The following FLVCR2 variants were observed in gnomAD, a reference collection of about 807,000 sequenced individuals.
FLVCR2 encodes choline/ethanolamine transporter FLVCR2.
FLVCR2 carries 38 observed loss-of-function variants against 48.9 expected under a neutral mutation model. The observed-to-expected ratio is 0.78, with a 90% CI of 0.60 to 1.02. FLVCR2 has a LOEUF of 1.02. Ranked by LOEUF, FLVCR2 falls within the 50% of genes least tolerant of loss-of-function variation. The probability of loss-of-function intolerance (pLI) is 0.00; values close to 1 mark genes in which losing one functional copy is unlikely to be tolerated. For missense variants in FLVCR2, 664 were observed against 663.3 expected (o/e 1.00, Z -0.01); for synonymous variants, 255 against 257.0 (o/e 0.99, Z 0.07).
intron 1 of FLVCR2, among the ~76,000 whole-genome samples, chr14:75,618,774 A>T (rs1249003394): frequency 6.6e-6 from 1 of 152,154 alleles, no homozygotes; most frequent in Non-Finnish European, 1.5e-5. Flanking sequence ...CCAACATTTC[A>T]TGGAAGGCAG....
rs1890427837 is a variant in FLVCR2 at position 75,646,650 on chromosome 14, TG to T, written c.*180del. ...CACGTAAGAGCTTGGATGATTTAGT[TG>T]GAGAAAATTGCACCTATCACCAAAT... On this transcript the variant is annotated 3_prime_UTR_variant, in exon 10 of 10. Coordinates refer to ENST00000238667, the MANE Select transcript of FLVCR2 (RefSeq NM_017791.3). 1 of 643,824 alleles carries T rather than the reference TG, an allele frequency of 1.6e-6. No homozygotes were observed. Among genetic ancestry groups the T allele is most frequent in the Non-Finnish European group, 2.9e-6 (1 of 347,712 alleles). 39.9% of individuals were successfully genotyped at this position (643,824 alleles called of 1,614,324 possible).
chr14:75,614,066 A>G (rs982151114), intron 1 of FLVCR2, among the ~76,000 whole-genome samples: 2 of 152,232 alleles, frequency 1.3e-5, no homozygotes, highest in African/African-American at 4.8e-5. Flanking sequence ...CATGTAAAAC[A>G]TCCTTTGGCA....
At chr14:75,608,121 C>A (rs1889342094) in intron 1 of FLVCR2, among the ~76,000 whole-genome samples, 1 of 152,182 alleles carries the variant, frequency 6.6e-6, no homozygotes. Context: ...ATAAAAAGGG[C>A]TTCTCTAGAC....
At chr14:75,625,422 T>C (rs1441724026) in intron 3 of FLVCR2, among the ~76,000 whole-genome samples, 2 of 151,964 alleles carry the variant, frequency 1.3e-5, no homozygotes, top group African/African-American at 2.4e-5. Context: ...TTCTGTATCT[T>C]ATTTCAAACC....
intron 1 of FLVCR2, among the ~76,000 whole-genome samples, chr14:75,588,633 C>T (rs1463278799): frequency 6.6e-6 from 1 of 152,180 alleles, no homozygotes; most frequent in East Asian, 1.9e-4. Flanking sequence ...CACCTGTCAC[C>T]ATGCCCAGAA....
Position 75,622,042 on chromosome 14 carries a change from T to C in FLVCR2, c.670-37T>C, listed in dbSNP as rs754810453. 1.7e-5 allele frequency: 28 copies of C among 1,612,264 alleles called. No homozygotes were observed. The East Asian group carries it at 6.2e-4, about 36-fold the overall frequency. On this transcript the variant is annotated intron_variant, in intron 1 of 9. Coordinates refer to ENST00000238667, the MANE Select transcript of FLVCR2 (RefSeq NM_017791.3). ...CATTTGTGTTGTCACCTCTTGGCCA[T>C]TGGTAACTGTGATTGGGTTGTCTCT...
At chr14:75,580,920 G>C (rs1831876011) in intron 1 of FLVCR2, among the ~76,000 whole-genome samples, 1 of 152,176 alleles carries the variant, frequency 6.6e-6, no homozygotes, top group African/African-American at 2.4e-5. Context: ...TGGGCTCAGA[G>C]GCCTGACATT....
chr14:75,602,346 T>C (rs963551756), intron 1 of FLVCR2, among the ~76,000 whole-genome samples: 1 of 152,122 alleles, frequency 6.6e-6, no homozygotes, highest in African/African-American at 2.4e-5. Context: ...GCTACCTATG[T>C]TGCCTCATTA....
rs753674281 is a variant in FLVCR2, at chr14:75,634,946, ATCG to A, written c.1060_1062del (p.Val354del). 1 of 1,613,944 alleles carries A rather than the reference ATCG, an allele frequency of 6.2e-7. No individual in the cohort carries two copies. Among genetic ancestry groups the A allele is most frequent in the African/African-American group, 1.3e-5 (1 of 74,914 alleles). The stretch of plus-strand genomic sequence containing the variant: ...GAATGCTGGAAGAATTGGCCTGACG[ATCG>A]TCATTGCAGGAATGCTTGGGGCTGT... On this transcript the variant is annotated inframe_deletion, in exon 5 of 10. Transcript: ENST00000238667.
chr14:75,597,592 T>C (rs1375081139), intron 1 of FLVCR2, among the ~76,000 whole-genome samples: 3 of 151,858 alleles, frequency 2.0e-5, no homozygotes, highest in Non-Finnish European at 2.9e-5. Context: ...TTTTTTGAGA[T>C]AGAGTCTCAC....
chr14:75,584,335 G>A lies in FLVCR2; in HGVS notation c.669+4694G>A, dbSNP rs563048045. The stretch of plus-strand genomic sequence containing the variant: ...GGCGAGGTTGATTAATTCCTGTTGT[G>A]GGGTTTGAGGGCCGGATTCCAATTT... On this transcript the variant is annotated intron_variant, in intron 1 of 9. Transcript: ENST00000238667. 3.3e-5 allele frequency among the ~76,000 whole-genome samples: 5 copies of A among 152,336 alleles called. No individual in the cohort carries two copies. The East Asian group carries it at 9.6e-4, about 29-fold the overall frequency.
rs2287017 is a variant in FLVCR2 at position 75,579,620 on chromosome 14, C to A, written c.648C>A (p.Ser216=). 1 of 1,613,842 alleles carries A rather than the reference C, an allele frequency of 6.2e-7. No homozygotes were observed. The highest frequency in any genetic ancestry group is 8.5e-7 in the Non-Finnish European group (1 of 1,179,990). ...FGANEVSTAC[S]VAVFGNQLGI... The stretch of plus-strand genomic sequence containing the variant: ...CTAATGAGGTTTCAACAGCCTGCTC[C>A]GTGGCTGTCTTTGGCAATCAGGTAG... The change falls in exon 1 of 10, where the codon TCC becomes TCA. Residue 216 remains serine, a synonymous_variant. Coordinates refer to ENST00000238667, the MANE Select transcript of FLVCR2 (RefSeq NM_017791.3).
intron 1 of FLVCR2, among the ~76,000 whole-genome samples, chr14:75,608,239 C>T (rs1328869401): frequency 1.3e-5 from 2 of 152,166 alleles, no homozygotes; most frequent in African/African-American, 2.4e-5. Flanking sequence ...TCATCCTTAC[C>T]GTAGGAGACT....
Position 75,641,032 on chromosome 14 carries a change from C to G in FLVCR2, c.1313C>G (p.Ser438Cys), listed in dbSNP as rs776236131. The G allele has an allele frequency of 6.2e-7, 1 of 1,613,990 alleles. No homozygotes were observed. Among genetic ancestry groups the G allele is most frequent in the East Asian group, 2.2e-5 (1 of 44,888 alleles). The change falls in exon 7 of 10, where the codon TCC (serine) becomes TGC (cysteine). Residue 438 changes from serine to cysteine, a missense_variant. Ser to Cys is a moderately radical substitution (Grantham distance 112). Coordinates refer to ENST00000238667, the MANE Select transcript of FLVCR2 (RefSeq NM_017791.3). ...ACGTACCCAGAATCAGAAGGCATCT[C>G]CTCCGGCCTCCTCAACATATCTGCA... is the stretch of plus-strand genomic sequence containing the variant. ...ELTYPESEGI[S>C]SGLLNISAQV...
At chr14:75,605,160 C>G (rs192365328) in intron 1 of FLVCR2, among the ~76,000 whole-genome samples, 15 of 152,260 alleles carry the variant, frequency 9.9e-5, no homozygotes, top group African/African-American at 3.6e-4. Context: ...ACTTGAACTC[C>G]CCCCAAGCCT....
chr14:75,595,861 T>A, intron 1 of FLVCR2: 1 of 1,021,188 alleles, frequency 9.8e-7, no homozygotes, highest in South Asian at 1.3e-5. Flanking sequence ...CCCCTGACTT[T>A]CCTCATTCTG....
At chr14:75,645,295 T>C (rs1227845230) in intron 9 of FLVCR2, among the ~76,000 whole-genome samples, 1 of 152,212 alleles carries the variant, frequency 6.6e-6, no homozygotes, top group Non-Finnish European at 1.5e-5. Flanking sequence ...GTCTTAGCCC[T>C]GTGCATGTCC....
chr14:75,640,886 G>A, intron 6 of FLVCR2, 69 bp from the exon 7 acceptor site: 7 of 1,046,628 alleles, frequency 6.7e-6, no homozygotes, highest in Non-Finnish European at 1.1e-5. Flanking sequence ...CCTAGGGGAG[G>A]AGGTGGGCTC....
In FLVCR2 at chr14:75,624,757, G is replaced by A; in HGVS notation, c.952+5G>A. The A allele has an allele frequency of 6.2e-7, 1 of 1,614,090 alleles. No individual in the cohort carries two copies. Among genetic ancestry groups the A allele is most frequent in the Non-Finnish European group, 8.5e-7 (1 of 1,180,020 alleles). ...TGCTGCTTGTCATCACCTATGGTAA[G>A]GTGTCAATGTGTCTAGGAATGCATT... On this transcript the variant is annotated splice_donor_5th_base_variant and intron_variant, in intron 3 of 9. Transcript: ENST00000238667.
Sources: gnomAD v4.1 joint callset for allele counts (sites outside exome capture counted in the v4.1 genomes callset) on GRCh38, gnomAD v4.1.1 for gene constraint, MANE v1.5 for transcripts, NCBI Gene and HGNC (gene_info 2026-07-23, HGNC 2026-07-21) for gene names.